The following BCAS3 variants were observed in gnomAD, a reference collection of about 807,000 sequenced individuals.
BCAS3 encodes BCAS3 microtubule associated cell migration factor.
Under a neutral mutation model 116.1 loss-of-function variants are expected in BCAS3, and 53 were observed. The ratio of observed to expected loss-of-function variants is 0.46; its 90% CI spans 0.37 to 0.57. BCAS3 has a LOEUF of 0.57. BCAS3 is among the 20% of genes least tolerant of loss of function. The pLI, the probability that BCAS3 is intolerant of heterozygous loss-of-function variation, is 0.00. For synonymous variants in BCAS3, 391 were observed against 408.2 expected, an observed-to-expected ratio of 0.96 and a Z score of 0.51; for missense variants, 917 against 1,165.4, an observed-to-expected ratio of 0.79 and a Z score of 3.10.
In BCAS3 at chr17:61,052,491, A is replaced by C. The variant is rs369914238; in HGVS notation, c.2029+11599A>C. On this transcript the variant is annotated intron_variant, in intron 19 of 23. Transcript: ENST00000407086. Reference sequence around the variant, plus strand: ...TAGAAGGCAGCAGATGAGAAGTAAAAGCAAGTGATTAGAAGTAAAAGCAAC... The same window carrying C: ...TAGAAGGCAGCAGATGAGAAGTAAACGCAAGTGATTAGAAGTAAAAGCAAC... Among the ~76,000 whole-genome samples, 44 of 152,292 alleles carry C rather than the reference A, an allele frequency of 2.9e-4. 1 individual carries two copies. The South Asian group carries it at 8.9e-3, about 31-fold the overall frequency.
At chr17:60,772,530 T>C (rs2044822180) in intron 6 of BCAS3, among the ~76,000 whole-genome samples, 1 of 152,216 alleles carries the variant, frequency 6.6e-6, no homozygotes, top group Non-Finnish European at 1.5e-5. Flanking sequence ...GATGGTAGTT[T>C]CTTTTGCTTT....
rs1025494425 is a variant in BCAS3, at chr17:61,244,684, A to G, written c.2426-123643A>G. On this transcript the variant is annotated intron_variant, in intron 22 of 23. Coordinates refer to ENST00000407086, the MANE Select transcript of BCAS3 (RefSeq NM_017679.5). The surrounding 1 kb of genome is among the most constrained non-coding windows in gnomAD (Gnocchi z 4.9). ...CGAGACCATCCTGGCTAACACGGTG[A>G]AACTTCATCTCTACTAAAAATACAA... Among the ~76,000 whole-genome samples, 2 of 152,162 alleles carry G rather than the reference A, an allele frequency of 1.3e-5. No homozygotes were observed. The highest frequency in any genetic ancestry group is 2.9e-5 in the Non-Finnish European group (2 of 68,030).
At chr17:60,700,263 T>C (rs1598141471) in intron 4 of BCAS3, among the ~76,000 whole-genome samples, 1 of 151,890 alleles carries the variant, frequency 6.6e-6, no homozygotes, top group Non-Finnish European at 1.5e-5. Context: ...GGAGTAGCTG[T>C]TGTAGCTTAG....
At chr17:60,914,045 G>C (rs1311022551) in intron 12 of BCAS3, among the ~76,000 whole-genome samples, 1 of 152,120 alleles carries the variant, frequency 6.6e-6, no homozygotes, top group Non-Finnish European at 1.5e-5. Flanking sequence ...CTTGCCTGGA[G>C]AACAAGTGTT....
intron 6 of BCAS3, among the ~76,000 whole-genome samples, chr17:60,778,996 T>C (rs1194813801): frequency 6.6e-6 from 1 of 152,198 alleles, no homozygotes; most frequent in Non-Finnish European, 1.5e-5. Flanking sequence ...CAATCTTTTT[T>C]TGCAGTACAC....
intron 6 of BCAS3, among the ~76,000 whole-genome samples, chr17:60,803,442 T>C (rs2047991089): frequency 6.6e-6 from 1 of 152,220 alleles, no homozygotes; most frequent in African/African-American, 2.4e-5. Flanking sequence ...TTTTCCCCCA[T>C]GCACAACCTT....
At position 61,143,281 on chromosome 17, in the gene BCAS3, T is replaced by A. The variant is rs547260625; in HGVS notation, c.2425+58717T>A. ...TTTTAGCCTTCACTAGTAGGGTTTT[T>A]AACACCAGTTTGACCTTACTTTGAA... On this transcript the variant is annotated intron_variant, in intron 22 of 23. Transcript: ENST00000407086. Among the ~76,000 whole-genome samples, 3 of 152,336 alleles carry A rather than the reference T, an allele frequency of 2.0e-5. No individual in the cohort carries two copies. The East Asian group carries it at 5.8e-4, about 29-fold the overall frequency.
chr17:60,686,161 C>T (rs751463931), intron 3 of BCAS3, among the ~76,000 whole-genome samples: 1 of 152,172 alleles, frequency 6.6e-6, no homozygotes, highest in Non-Finnish European at 1.5e-5. Flanking sequence ...AGCCACCGCA[C>T]CCGGCCTATG....
chr17:60,842,503 T>TG (rs137874709), intron 7 of BCAS3, among the ~76,000 whole-genome samples: 4,608 of 152,244 alleles, frequency 0.03, 179 homozygotes, highest in East Asian at 0.092. Context: ...GAACAATTTT[T>TG]TTTTTCAATT....
In BCAS3 at chr17:61,349,955, A is replaced by G. The variant is rs1487493100; in HGVS notation, c.2426-18372A>G. Reference sequence around the variant, plus strand: ...ATTCATTTCTGAATAGTTAAGATCAATAATCTCTCCTGAACAATTGGCTTT... The same window carrying G: ...ATTCATTTCTGAATAGTTAAGATCAGTAATCTCTCCTGAACAATTGGCTTT... On this transcript the variant is annotated intron_variant, in intron 22 of 23. Transcript: ENST00000407086. This position sits in a 1 kb window ranked among gnomAD's most constrained non-coding sequence, Gnocchi z 4.7. Among the ~76,000 whole-genome samples the G allele has an allele frequency of 6.6e-6, 1 of 152,232 alleles. No homozygotes were observed. The highest frequency in any genetic ancestry group is 1.5e-5 in the Non-Finnish European group (1 of 68,042).
At position 61,104,817 on chromosome 17, in the gene BCAS3, C is replaced by A. The variant is rs1214553277; in HGVS notation, c.2425+20253C>A. ...AACTTTGCCCAGCCCTGGAGCAGAA[C>A]ATTCTTAAAAGTAAGCCCAGTAAAC... On this transcript the variant is annotated intron_variant, in intron 22 of 23. Coordinates refer to ENST00000407086, the MANE Select transcript of BCAS3 (RefSeq NM_017679.5). The surrounding 1 kb of genome is among the most constrained non-coding windows in gnomAD (Gnocchi z 4.1). Among the ~76,000 whole-genome samples the A allele has an allele frequency of 6.6e-6, 1 of 152,182 alleles. No homozygotes were observed. The highest frequency in any genetic ancestry group is 2.4e-5 in the African/African-American group (1 of 41,434).
In BCAS3 at chr17:61,118,462, C is replaced by G. The variant is rs2075606886; in HGVS notation, c.2425+33898C>G. Among the ~76,000 whole-genome samples, 1 of 152,168 alleles carries G rather than the reference C, an allele frequency of 6.6e-6. No individual in the cohort carries two copies. Among genetic ancestry groups the G allele is most frequent in the African/African-American group, 2.4e-5 (1 of 41,424 alleles). ...CCCCATTTGTCCTGCACCAAAACTG[C>G]ACGTGTGTGTTAGGAGGTGGTTCTT... On this transcript the variant is annotated intron_variant, in intron 22 of 23. Coordinates refer to ENST00000407086, the MANE Select transcript of BCAS3 (RefSeq NM_017679.5). The surrounding 1 kb of genome is among the most constrained non-coding windows in gnomAD (Gnocchi z 5.0).
intron 7 of BCAS3, among the ~76,000 whole-genome samples, chr17:60,823,211 G>A (rs2050107415): frequency 6.6e-6 from 1 of 152,094 alleles, no homozygotes; most frequent in African/African-American, 2.4e-5. Context: ...TCTTTAATCT[G>A]TAGTTTGCCA....
At position 61,349,950 on chromosome 17, in the gene BCAS3, G is replaced by T. The variant is rs989334489; in HGVS notation, c.2426-18377G>T. Among the ~76,000 whole-genome samples, 2 of 152,182 alleles carry T rather than the reference G, an allele frequency of 1.3e-5. No individual in the cohort carries two copies. The highest frequency in any genetic ancestry group is 1.3e-4 in the Admixed American group (2 of 15,272). ...TTGTCATTCATTTCTGAATAGTTAAGATCAATAATCTCTCCTGAACAATTG... is the reference window on the plus strand; with the variant it reads ...TTGTCATTCATTTCTGAATAGTTAATATCAATAATCTCTCCTGAACAATTG... On this transcript the variant is annotated intron_variant, in intron 22 of 23. Transcript: ENST00000407086. This position sits in a 1 kb window ranked among gnomAD's most constrained non-coding sequence, Gnocchi z 4.7.
At chr17:60,827,461 G>A (rs140278589) in intron 7 of BCAS3, among the ~76,000 whole-genome samples, 346 of 152,214 alleles carry the variant, frequency 2.3e-3, no homozygotes, top group African/African-American at 7.5e-3. Flanking sequence ...GCCTAACCGA[G>A]TACTGCATCT....
rs778684833 is a variant in BCAS3 at position 61,083,597 on chromosome 17, CTTT to C, written c.2328-856_2328-854del. Among the ~76,000 whole-genome samples the C allele has an allele frequency of 5.9e-5, 8 of 136,658 alleles. No individual in the cohort carries two copies. The highest frequency in any genetic ancestry group is 7.3e-5 in the Admixed American group (1 of 13,630). The allele number at this position is 136,658 out of a possible 152,430, so 89.7% of individuals were successfully genotyped here. On this transcript the variant is annotated intron_variant, in intron 21 of 23. Transcript: ENST00000407086. The surrounding 1 kb of genome is among the most constrained non-coding windows in gnomAD (Gnocchi z 4.9). Reference sequence around the variant, plus strand: ...ATTTGGCATTTATATGTTTATTATTCTTTTTTTTTTTTTTTTGAGACGGAGTCT... The same window carrying C: ...ATTTGGCATTTATATGTTTATTATTCTTTTTTTTTTTTTGAGACGGAGTCT...
Position 61,363,542 on chromosome 17 carries a change from C to CAAAAA in BCAS3, c.2426-4784_2426-4783insAAAAA, listed in dbSNP as rs2058566863. ...TGCTTCCCATAGTTTGGTGAAGTCA[C>CAAAAA]ATAAGCTCCTCTTTTTTTTTTTTTT... is the stretch of plus-strand genomic sequence containing the variant. On this transcript the variant is annotated intron_variant, in intron 22 of 23. Transcript: ENST00000407086. This position sits in a 1 kb window ranked among gnomAD's most constrained non-coding sequence, Gnocchi z 4.9. Among the ~76,000 whole-genome samples the CAAAAA allele has an allele frequency of 6.6e-6, 1 of 150,938 alleles. No individual in the cohort carries two copies. The highest frequency in any genetic ancestry group is 2.4e-5 in the African/African-American group (1 of 40,974).
In BCAS3 at chr17:61,215,810, T is replaced by A. The variant is rs775939623; in HGVS notation, c.2425+131246T>A. ...ATATATTAGAATTCCTTGGAGACCT[T>A]TTAAAAATTCCAGTTGAAGTTGGAG... On this transcript the variant is annotated intron_variant, in intron 22 of 23. Coordinates refer to ENST00000407086, the MANE Select transcript of BCAS3 (RefSeq NM_017679.5). This position sits in a 1 kb window ranked among gnomAD's most constrained non-coding sequence, Gnocchi z 4.8. Among the ~76,000 whole-genome samples, 3 of 152,196 alleles carry A rather than the reference T, an allele frequency of 2.0e-5. No individual in the cohort carries two copies. The highest frequency in any genetic ancestry group is 2.9e-5 in the Non-Finnish European group (2 of 68,034).
At chr17:61,100,894 GC>G (rs2074285812) in intron 22 of BCAS3, among the ~76,000 whole-genome samples, 1 of 152,010 alleles carries the variant, frequency 6.6e-6, no homozygotes, top group African/African-American at 2.4e-5. Context: ...AGTTGAAGAT[GC>G]TGAGGTTAAG....
Sources: allele counts gnomAD v4.1 joint callset (sites outside exome capture counted in the v4.1 genomes callset), GRCh38; gene constraint gnomAD v4.1.1; non-coding constraint Gnocchi (gnomAD v3.1); transcripts MANE v1.5; gene names NCBI Gene and HGNC (gene_info 2026-07-23, HGNC 2026-07-21).